HHAT: variants seen among roughly 807,000 people sequenced by gnomAD.
HHAT encodes the protein protein-cysteine N-palmitoyltransferase HHAT.
In HHAT, 47 loss-of-function variants were observed where a neutral mutation model predicts 70.8. The observed-to-expected ratio is 0.66, with a 90% confidence interval of 0.53 to 0.85. The LOEUF is 0.85. Ranked by LOEUF, HHAT falls within the 40% of genes least tolerant of loss-of-function variation. The pLI is 0.00. For missense variants in HHAT, 609 were observed against 604.8 expected (o/e 1.01, Z -0.07); for synonymous variants, 228 against 247.6 (o/e 0.92, Z 0.74).
chr1:210,339,033 G>C (rs968834894), intron 1 of HHAT, among the ~76,000 whole-genome samples: 1 of 152,098 alleles, frequency 6.6e-6, no homozygotes, highest in African/African-American at 2.4e-5. Context: ...GACAGAGTGG[G>C]ACCCTGTCTC....
intron 11 of HHAT, among the ~76,000 whole-genome samples, chr1:210,644,464 G>A (rs11119556): frequency 2.6e-5 from 4 of 151,682 alleles, no homozygotes; most frequent in Admixed American, 6.6e-5. Flanking sequence ...TTAGCTAGGC[G>A]TGGTGGTGGG....
intron 8 of HHAT, among the ~76,000 whole-genome samples, chr1:210,474,499 C>T (rs2094268479): frequency 6.6e-6 from 1 of 152,112 alleles, no homozygotes; most frequent in Non-Finnish European, 1.5e-5. Context: ...TTTTTATTTC[C>T]AGTGGTTAAC....
intron 1 of HHAT, among the ~76,000 whole-genome samples, chr1:210,339,108 A>T (rs2085771250): frequency 6.6e-6 from 1 of 152,212 alleles, no homozygotes; most frequent in Non-Finnish European, 1.5e-5. Flanking sequence ...TTGTAATGTT[A>T]CTGGAAATGG....
intron 8 of HHAT, among the ~76,000 whole-genome samples, chr1:210,511,714 C>T (rs2094954685): frequency 1.3e-5 from 2 of 151,686 alleles, no homozygotes; most frequent in Admixed American, 6.6e-5. Context: ...CAACCACCAC[C>T]CGTTAGGTGT....
At chr1:210,650,755 A>G (rs1674968189) in intron 11 of HHAT, among the ~76,000 whole-genome samples, 1 of 152,192 alleles carries the variant, frequency 6.6e-6, no homozygotes, top group Non-Finnish European at 1.5e-5. Flanking sequence ...CAAGCTTTGG[A>G]GCCCTTCTTT....
At chr1:210,488,066 G>A (rs768865180) in intron 8 of HHAT, among the ~76,000 whole-genome samples, 1 of 152,124 alleles carries the variant, frequency 6.6e-6, no homozygotes, top group Non-Finnish European at 1.5e-5. Flanking sequence ...TTTTTCCTCT[G>A]TTAATCTGTC....
chr1:210,387,239 G>T (rs543284055), intron 3 of HHAT, among the ~76,000 whole-genome samples: 15 of 152,186 alleles, frequency 9.9e-5, no homozygotes, highest in Admixed American at 7.2e-4. Context: ...AATGGCAATG[G>T]CAATCATTCC....
chr1:210,329,092 G>C lies in HHAT; in HGVS notation c.-56G>C. 7.1e-7 allele frequency: 1 copy of C among 1,408,854 alleles called. No homozygotes were observed. The highest frequency in any genetic ancestry group is 9.3e-7 in the Non-Finnish European group (1 of 1,080,116). The allele number at this position is 1,408,854 out of a possible 1,614,324, so 87.3% of individuals were successfully genotyped here. On this transcript the variant is annotated 5_prime_UTR_variant, in exon 1 of 12. Transcript: ENST00000261458. ...TGAACGTTGCCGTCGCCGCCGCCCG[G>C]GACAGCCCGGAGGTTGGTAACTGGT...
chr1:210,430,239 G>A lies in HHAT; in HGVS notation c.856+11914G>A, dbSNP rs558231128. 3.3e-5 allele frequency among the ~76,000 whole-genome samples: 5 copies of A among 151,950 alleles called. No homozygotes were observed. In the East Asian group the frequency reaches 9.6e-4, roughly 29 times the overall value. On this transcript the variant is annotated intron_variant, in intron 7 of 11. Coordinates refer to ENST00000261458, the MANE Select transcript of HHAT (RefSeq NM_018194.6). ...GTTTCCTTAGTTTCTGGAACTGAAAGATATCCCAGTGCTTACCTTATATTT... is the reference window on the plus strand; with the variant it reads ...GTTTCCTTAGTTTCTGGAACTGAAAAATATCCCAGTGCTTACCTTATATTT...
intron 6 of HHAT, among the ~76,000 whole-genome samples, chr1:210,407,988 C>T (rs1182318085): frequency 6.6e-6 from 1 of 152,018 alleles, no homozygotes; most frequent in Non-Finnish European, 1.5e-5. Flanking sequence ...TCCTGGAGCC[C>T]ACCCTCCAGG....
chr1:210,348,356 C>T (rs376663272), intron 1 of HHAT, among the ~76,000 whole-genome samples: 1 of 152,206 alleles, frequency 6.6e-6, no homozygotes, highest in African/African-American at 2.4e-5. Flanking sequence ...CCATCTTGGC[C>T]TCCCAAAGTG....
chr1:210,464,087 G>T (rs2094041668), intron 7 of HHAT, among the ~76,000 whole-genome samples: 1 of 151,366 alleles, frequency 6.6e-6, no homozygotes, highest in African/African-American at 2.4e-5. Flanking sequence ...TTTAAAATGT[G>T]TATTTAATTA....
intron 8 of HHAT, among the ~76,000 whole-genome samples, chr1:210,480,818 C>T (rs1216936221): frequency 6.6e-6 from 1 of 152,166 alleles, no homozygotes; most frequent in African/African-American, 2.4e-5. Context: ...CCTTTATTTT[C>T]CTGGATACAC....
intron 7 of HHAT, among the ~76,000 whole-genome samples, chr1:210,433,729 T>G (rs2148332857): frequency 6.6e-6 from 1 of 152,102 alleles, no homozygotes; most frequent in South Asian, 2.1e-4. Flanking sequence ...TCTTCCCATT[T>G]ATTTTTCTCT....
intron 1 of HHAT, among the ~76,000 whole-genome samples, chr1:210,333,302 T>C (rs2357433): frequency 0.59 from 90,199 of 151,974 alleles, 28,098 homozygotes; most frequent in African/African-American, 0.78. Context: ...GCATCACTTG[T>C]AGTCCCAACT....
intron 8 of HHAT, among the ~76,000 whole-genome samples, chr1:210,503,224 T>C (rs2148551994): frequency 6.6e-6 from 1 of 152,300 alleles, no homozygotes; most frequent in South Asian, 2.1e-4. Context: ...CCTTCCAAAG[T>C]GCTGGGATTA....
intron 4 of HHAT, among the ~76,000 whole-genome samples, chr1:210,388,363 CAG>C (rs1488348682): frequency 1.3e-5 from 2 of 152,096 alleles, no homozygotes; most frequent in Non-Finnish European, 1.5e-5. Context: ...AGAAGAGAAA[CAG>C]AAACCTCTGG....
At chr1:210,620,220 G>A (rs527298662) in intron 10 of HHAT, among the ~76,000 whole-genome samples, 5 of 152,334 alleles carry the variant, frequency 3.3e-5, no homozygotes, top group Non-Finnish European at 1.5e-5. Flanking sequence ...TAGCTGGCTG[G>A]TCAAAGGGAA....
chr1:210,476,131 A>G (rs186750834), intron 8 of HHAT, among the ~76,000 whole-genome samples: 1 of 152,244 alleles, frequency 6.6e-6, no homozygotes, highest in East Asian at 1.9e-4. Context: ...TAGACCAAGA[A>G]GAAAGGCAGA....
Sources: gnomAD v4.1 joint callset for allele counts (sites outside exome capture counted in the v4.1 genomes callset) on GRCh38, gnomAD v4.1.1 for gene constraint, MANE v1.5 for transcripts, NCBI Gene and HGNC (gene_info 2026-07-23, HGNC 2026-07-21) for gene names.